Variants in NIBAN2 observed in about 807,000 individuals in gnomAD.
NIBAN2 encodes niban apoptosis regulator 2.
NIBAN2 carries 36 observed loss-of-function variants against 81.8 expected under a neutral mutation model. The observed-to-expected ratio is 0.44, with a 90% confidence interval of 0.34 to 0.58. The LOEUF (loss-of-function observed/expected upper bound fraction) is 0.58, where lower values mean the gene tolerates loss of function less well. NIBAN2 is among the 20% of genes least tolerant of loss of function. The pLI, the probability that NIBAN2 is intolerant of heterozygous loss-of-function variation, is 0.02. For synonymous variants in NIBAN2, 445 were observed against 441.6 expected (o/e 1.01, Z -0.10); for missense variants, 897 against 1,014.1 (o/e 0.88, Z 1.57).
At position 127,506,817 on chromosome 9, in the gene NIBAN2, C is replaced by T. The variant is rs1468202322; in HGVS notation, c.*28G>A. ...GGGTCCGGAAGGGAACGGCCTGTGC[C>T]ATGTGCAGCAGTCAGGGACCCACTG... On this transcript the variant is annotated 3_prime_UTR_variant, in exon 14 of 14. Coordinates refer to ENST00000373312, the MANE Select transcript of NIBAN2 (RefSeq NM_022833.4). 8 of 1,565,062 alleles carry T rather than the reference C, an allele frequency of 5.1e-6. No homozygotes were observed. In the East Asian group the frequency reaches 1.4e-4, roughly 26 times the overall value.
At chr9:127,551,011 G>A (rs1837565710) in intron 1 of NIBAN2, among the ~76,000 whole-genome samples, 2 of 152,096 alleles carry the variant, frequency 1.3e-5, no homozygotes, top group Admixed American at 6.5e-5. Flanking sequence ...GGGCACGCAC[G>A]TCACTCTGCT....
At chr9:127,542,280 T>A (rs941485579) in intron 1 of NIBAN2, among the ~76,000 whole-genome samples, 3 of 152,136 alleles carry the variant, frequency 2.0e-5, no homozygotes, top group Non-Finnish European at 4.4e-5. Context: ...CCACCATGCG[T>A]CTTTCAACTG....
intron 1 of NIBAN2, among the ~76,000 whole-genome samples, chr9:127,535,520 G>A (rs1000318648): frequency 1.3e-5 from 2 of 152,124 alleles, no homozygotes; most frequent in African/African-American, 2.4e-5. Context: ...CAGGGACCCC[G>A]CTGCCTGTCA....
At chr9:127,520,229 CT>C (rs61128001) in intron 5 of NIBAN2, among the ~76,000 whole-genome samples, 34 of 109,508 alleles carry the variant, frequency 3.1e-4, no homozygotes, top group East Asian at 2.3e-3. Context: ...GACCCAGGGT[CT>C]TTTTTTTTTT....
chr9:127,554,749 CG>C (rs1182975745), intron 1 of NIBAN2, among the ~76,000 whole-genome samples: 2 of 151,016 alleles, frequency 1.3e-5, no homozygotes, highest in Non-Finnish European at 1.5e-5. Flanking sequence ...TTAGTAGAGA[CG>C]GGGGGTGGGG....
intron 1 of NIBAN2, among the ~76,000 whole-genome samples, chr9:127,564,107 A>G (rs1383118340): frequency 6.6e-6 from 1 of 152,090 alleles, no homozygotes; most frequent in Non-Finnish European, 1.5e-5. Flanking sequence ...AACTTGACCA[A>G]TATGGTAAAA....
At chr9:127,573,776 G>C (rs1008857083), upstream of NIBAN2, among the ~76,000 whole-genome samples, 11 of 152,120 alleles carry the variant, frequency 7.2e-5, no homozygotes, top group Non-Finnish European at 1.3e-4. Context: ...TCCTGCCTCA[G>C]CTTCCCAAGT....
chr9:127,509,257 A>G, intron 9 of NIBAN2, 126 bp from the exon 10 acceptor site: 3 of 881,802 alleles, frequency 3.4e-6, no homozygotes, highest in Non-Finnish European at 5.1e-6. Context: ...AGGGATGGCC[A>G]CCTGGTGCTC....
chr9:127,534,926 A>G (rs545431732), intron 1 of NIBAN2, among the ~76,000 whole-genome samples: 57 of 152,264 alleles, frequency 3.7e-4, no homozygotes, highest in Non-Finnish European at 7.2e-4. Context: ...CGTCATGGCC[A>G]CCACTTGCAG....
chr9:127,554,478 T>G (rs1210339779), intron 1 of NIBAN2, among the ~76,000 whole-genome samples: 1 of 152,090 alleles, frequency 6.6e-6, no homozygotes, highest in Non-Finnish European at 1.5e-5. Context: ...GCTTAGATTC[T>G]GAAGTCAGAC....
In NIBAN2 at chr9:127,510,183, T is replaced by C; in HGVS notation, c.1124A>G (p.Asn375Ser). Reference protein sequence around the residue: ...FFKEVTDMNLNVINEGGIDKL... With the variant: ...FFKEVTDMNLSVINEGGIDKL... Reference sequence around the variant, plus strand: ...GTCAATGCCGCCCTCGTTGATGACGTTCAGGTTCATGTCCGTGACCTCCTT... The same window carrying C: ...GTCAATGCCGCCCTCGTTGATGACGCTCAGGTTCATGTCCGTGACCTCCTT... The change falls in exon 9 of 14, where the codon AAC becomes AGC. Residue 375 changes from asparagine (N) to serine (S), a missense_variant. Around this residue, in one of 3 missense-constraint regions of NIBAN2, gnomAD observed 619 missense variants for 691.0 expected, o/e 0.90. Transcript: ENST00000373312. 6.2e-7 allele frequency: 1 copy of C among 1,613,708 alleles called. No homozygotes were observed. The highest frequency in any genetic ancestry group is 8.5e-7 in the Non-Finnish European group (1 of 1,179,778).
intron 5 of NIBAN2, among the ~76,000 whole-genome samples, chr9:127,519,464 GA>G (rs1481041830): frequency 6.6e-6 from 1 of 152,230 alleles, no homozygotes; most frequent in African/African-American, 2.4e-5. Context: ...CAAAGCCCAG[GA>G]AGGGGAAACG....
chr9:127,560,381 T>C (rs1837752157), intron 1 of NIBAN2, among the ~76,000 whole-genome samples: 1 of 152,052 alleles, frequency 6.6e-6, no homozygotes, highest in African/African-American at 2.4e-5. Context: ...CCTCTCACCA[T>C]GGGGTTCACC....
intron 2 of NIBAN2, among the ~76,000 whole-genome samples, chr9:127,528,176 CAG>C (rs1837112916): frequency 6.6e-6 from 1 of 152,312 alleles, no homozygotes; most frequent in African/African-American, 2.4e-5. Flanking sequence ...CTCCAATCCT[CAG>C]GGACTGACTT....
chr9:127,526,407 A>AG (rs1837064894), intron 3 of NIBAN2, among the ~76,000 whole-genome samples: 2 of 151,076 alleles, frequency 1.3e-5, no homozygotes, highest in Non-Finnish European at 1.5e-5. Context: ...TCAAAAAAAA[A>AG]AAAAAAAAGA....
At chr9:127,547,212 T>C (rs1489803274) in intron 1 of NIBAN2, among the ~76,000 whole-genome samples, 1 of 152,190 alleles carries the variant, frequency 6.6e-6, no homozygotes, top group Non-Finnish European at 1.5e-5. Flanking sequence ...TCTGAACCTC[T>C]GTTTCCTCAG....
At chr9:127,510,102 C>T in intron 9 of NIBAN2, 44 bp downstream of exon 9, 2 of 1,563,814 alleles carry the variant, frequency 1.3e-6, no homozygotes, top group Middle Eastern at 1.7e-4. Flanking sequence ...ACAGACCAGA[C>T]CTACTCTCAG....
chr9:127,529,627 G>A (rs1588165283), intron 2 of NIBAN2, among the ~76,000 whole-genome samples: 2 of 152,168 alleles, frequency 1.3e-5, no homozygotes, highest in African/African-American at 4.8e-5. Context: ...GCAACAGAGT[G>A]AGACTCTGAA....
chr9:127,540,805 G>A (rs915525111), intron 1 of NIBAN2, among the ~76,000 whole-genome samples: 4 of 152,250 alleles, frequency 2.6e-5, no homozygotes, highest in Non-Finnish European at 4.4e-5. Context: ...CCCCAGTGGA[G>A]GGCGCTGTGC....
Sources: allele counts gnomAD v4.1 joint callset (sites outside exome capture counted in the v4.1 genomes callset), GRCh38; gene constraint gnomAD v4.1.1; regional missense constraint gnomAD v4.1.1; transcripts MANE v1.5; gene names NCBI Gene and HGNC (gene_info 2026-07-23, HGNC 2026-07-21).